FANCI: variants seen among roughly 807,000 people sequenced by gnomAD.
The protein encoded by FANCI is Fanconi anemia group I protein.
In FANCI, 156 loss-of-function variants were observed where a neutral mutation model predicts 176.1. The observed-to-expected ratio is 0.89, with a 90% confidence interval of 0.78 to 1.01. The LOEUF is 1.01. FANCI is among the 50% of genes least tolerant of loss of function. FANCI has a pLI of 0.00. For synonymous variants in FANCI, 613 were observed against 541.7 expected, an observed-to-expected ratio of 1.13 and a Z score of -1.83; for missense variants, 1,678 against 1,534.1, an observed-to-expected ratio of 1.09 and a Z score of -1.57.
At chr15:89,296,896 G>T (rs1277483115) in intron 24 of FANCI, among the ~76,000 whole-genome samples, 1 of 148,736 alleles carries the variant, frequency 6.7e-6, no homozygotes, top group Non-Finnish European at 1.5e-5. Flanking sequence ...CCTCCCGGAC[G>T]GGGCGGCTGG....
At chr15:89,290,492 C>T in intron 19 of FANCI, 2 of 564,138 alleles carry the variant, frequency 3.5e-6, no homozygotes, top group Non-Finnish European at 6.4e-6. Flanking sequence ...AGCAGTTATC[C>T]TTGTGAATTA....
chr15:89,283,102 G>C (rs1262165829), intron 16 of FANCI, 34 bp from the exon 17 acceptor site: 2 of 1,611,106 alleles, frequency 1.2e-6, no homozygotes, highest in East Asian at 2.2e-5. Context: ...CTGTGAAATA[G>C]TACTGTTTGT....
intron 23 of FANCI, among the ~76,000 whole-genome samples, 187 bp from the exon 24 acceptor site, chr15:89,294,728 C>T (rs1183501472): frequency 6.6e-6 from 1 of 152,002 alleles, no homozygotes; most frequent in Non-Finnish European, 1.5e-5. Flanking sequence ...CTAAGAATAA[C>T]GATTATAAAA....
rs1567158723 is a variant in FANCI, at chr15:89,283,260, AT to A, written c.1698+13del. 1.9e-6 allele frequency: 3 copies of A among 1,613,294 alleles called. No homozygotes were observed. The highest frequency in any genetic ancestry group is 2.5e-6 in the Non-Finnish European group (3 of 1,179,258). ...TCTCAGTGTCAGTCAGGTAAGGATT[AT>A]TTACGTTAACTTGCAGTGTGTGCGT... is the stretch of plus-strand genomic sequence containing the variant. On this transcript the variant is annotated intron_variant, in intron 17 of 37. Coordinates refer to ENST00000310775, the MANE Select transcript of FANCI (RefSeq NM_001113378.2).
At chr15:89,271,316 G>A (rs2053191971) in intron 10 of FANCI, among the ~76,000 whole-genome samples, 1 of 151,756 alleles carries the variant, frequency 6.6e-6, no homozygotes, top group Non-Finnish European at 1.5e-5. Context: ...ATCTGCATTA[G>A]CACTCCCAGT....
At position 89,307,413 on chromosome 15, in the gene FANCI, C is replaced by T. The variant is rs2054765287; in HGVS notation, c.3538-63C>T. 4 of 1,497,380 alleles carry T rather than the reference C, an allele frequency of 2.7e-6. No individual in the cohort carries two copies. In the African/African-American group the frequency reaches 4.2e-5, roughly 16 times the overall value. 92.8% of individuals were successfully genotyped at this position (1,497,380 alleles called of 1,614,324 possible). A position where few individuals can be genotyped will look rare whatever the true frequency, so the allele number is the denominator to read the frequency against. On this transcript the variant is annotated intron_variant, in intron 32 of 37. Transcript: ENST00000310775. ...TGATGAGTCACACTCCATAGGCTCA[C>T]TGCAGCAGTCACTTGTAGTTTCATA...
chr15:89,293,067 A>G lies in FANCI; in HGVS notation c.2291+4A>G. Reference sequence around the variant, plus strand: ...ATTTCTCCATAAGTAGTTTCAGGTAAGGTTTTGCTATAACTCCATTTGTAA... The same window carrying G: ...ATTTCTCCATAAGTAGTTTCAGGTAGGGTTTTGCTATAACTCCATTTGTAA... On this transcript the variant is annotated splice_donor_region_variant and intron_variant, in intron 22 of 37. Coordinates refer to ENST00000310775, the MANE Select transcript of FANCI (RefSeq NM_001113378.2). The G allele has an allele frequency of 6.2e-7, 1 of 1,612,848 alleles. No individual in the cohort carries two copies. The highest frequency in any genetic ancestry group is 1.1e-5 in the South Asian group (1 of 91,002).
Position 89,303,915 on chromosome 15 carries a change from G to A in FANCI, c.3058G>A (p.Glu1020Lys), listed in dbSNP as rs998764851. ...AAAGATTTGCAAGGAAAACAGCCGG[G>A]GTAAGTTTACTGCCATGTTTTCCTA... The part of the protein sequence containing the change: ...TSKICKENSR[E>K]DALFCKSLMN... Residue 1020 changes from glutamate (E) to lysine (K), a missense_variant and splice_region_variant, in exon 28 of 38, where the codon GAG (glutamate) becomes AAG (lysine). Glu to Lys is a moderately conservative substitution (Grantham distance 56). Coordinates refer to ENST00000310775, the MANE Select transcript of FANCI (RefSeq NM_001113378.2). The A allele has an allele frequency of 6.2e-7, 1 of 1,613,726 alleles. No individual in the cohort carries two copies. Among genetic ancestry groups the A allele is most frequent in the Non-Finnish European group, 8.5e-7 (1 of 1,179,806 alleles).
chr15:89,273,117 TAGTG>T (rs904681241), intron 10 of FANCI, among the ~76,000 whole-genome samples: 2 of 151,884 alleles, frequency 1.3e-5, no homozygotes, highest in Non-Finnish European at 2.9e-5. Context: ...CTGGGCAACA[TAGTG>T]AGACTTCATC....
chr15:89,285,022 A>G (rs1157004362), intron 17 of FANCI, 74 bp from the exon 18 acceptor site: 1 of 1,605,610 alleles, frequency 6.2e-7, no homozygotes, highest in Non-Finnish European at 8.5e-7. Context: ...TCGACCAAGA[A>G]CATAGGCTCA....
intron 12 of FANCI, among the ~76,000 whole-genome samples, chr15:89,276,137 A>G (rs982175701): frequency 6.6e-6 from 1 of 152,250 alleles, no homozygotes; most frequent in African/African-American, 2.4e-5. Flanking sequence ...ACTGTGGGGT[A>G]TAACATTAAG....
intron 19 of FANCI, 30 bp from the exon 20 acceptor site, chr15:89,291,583 A>C (rs777467183): frequency 1.1e-5 from 17 of 1,569,730 alleles, no homozygotes; most frequent in Non-Finnish European, 1.5e-5. Context: ...TTTATGAGCC[A>C]AGATGTCTTT....
intron 19 of FANCI, 44 bp downstream of exon 19, chr15:89,290,325 G>A: frequency 7.0e-7 from 1 of 1,427,000 alleles, no homozygotes; most frequent in African/African-American, 1.4e-5. Flanking sequence ...GACCATCAAG[G>A]ATCGAGAGAC....
chr15:89,246,043 A>G (rs1379353030), intron 1 of FANCI, among the ~76,000 whole-genome samples: 1 of 152,186 alleles, frequency 6.6e-6, no homozygotes, highest in African/African-American at 2.4e-5. Flanking sequence ...ATGAAGGCAA[A>G]GTTGTTAAGA....
intron 27 of FANCI, among the ~76,000 whole-genome samples, chr15:89,302,240 C>T (rs2054550196): frequency 6.6e-6 from 1 of 152,172 alleles, no homozygotes; most frequent in African/African-American, 2.4e-5. Context: ...CGTTTGGGCA[C>T]TAGAAAGCAG....
At chr15:89,288,049 C>CTT in intron 18 of FANCI, among the ~76,000 whole-genome samples, 1 of 152,122 alleles carries the variant, frequency 6.6e-6, no homozygotes, top group Non-Finnish European at 1.5e-5. Flanking sequence ...GAGAGACTTG[C>CTT]TTGATGTAGG....
intron 2 of FANCI, among the ~76,000 whole-genome samples, chr15:89,251,504 T>C (rs2052248675): frequency 6.6e-6 from 1 of 152,212 alleles, no homozygotes; most frequent in Non-Finnish European, 1.5e-5. Flanking sequence ...TAACATTGAT[T>C]TTTTTATGCT....
chr15:89,300,374 C>T lies in FANCI; in HGVS notation c.2878C>T (p.Arg960Trp), dbSNP rs562503186. 50 of 1,613,670 alleles carry T rather than the reference C, an allele frequency of 3.1e-5. 1 individual carries two copies. The highest frequency in any genetic ancestry group is 1.9e-4 in the South Asian group (17 of 91,058). ...SVTQRTAFQI[R>W]QFQRSLLNLL... ...CACTCAGAGAACAGCATTCCAGATC[C>T]GGCAATTTCAGGTGAGAAGCCTTGC... Residue 960 changes from arginine to tryptophan, a missense_variant, in exon 26 of 38, where the codon CGG becomes TGG. This residue lies in a region of FANCI where 1,204 missense variants were observed against 1,077.4 expected (regional missense o/e 1.12). Coordinates refer to ENST00000310775, the MANE Select transcript of FANCI (RefSeq NM_001113378.2).
At position 89,314,719 on chromosome 15, in the gene FANCI, C is replaced by G; in HGVS notation, c.3816+12C>G. ...CTAAGAAGTCCAAGGTAAACATTCT[C>G]TTATTATGTGCTACCATTCCCATTT... is the stretch of plus-strand genomic sequence containing the variant. On this transcript the variant is annotated intron_variant, in intron 36 of 37. Coordinates refer to ENST00000310775, the MANE Select transcript of FANCI (RefSeq NM_001113378.2). The G allele has an allele frequency of 6.4e-7, 1 of 1,570,986 alleles. No homozygotes were observed. The highest frequency in any genetic ancestry group is 8.8e-7 in the Non-Finnish European group (1 of 1,140,850).
Sources: allele counts gnomAD v4.1 joint callset (sites outside exome capture counted in the v4.1 genomes callset), GRCh38; gene constraint gnomAD v4.1.1; regional missense constraint gnomAD v4.1.1; transcripts MANE v1.5; gene names NCBI Gene and HGNC (gene_info 2026-07-23, HGNC 2026-07-21).